The following COL7A1 variants were observed in gnomAD, a reference collection of about 807,000 sequenced individuals.
COL7A1 encodes the protein collagen alpha-1(VII) chain.
COL7A1 carries 296 observed loss-of-function variants against 456.2 expected under a neutral mutation model. That is an observed-to-expected ratio of 0.65 (90% confidence interval 0.59 to 0.71). COL7A1 has a LOEUF of 0.71. Among genes scored for constraint, COL7A1 ranks in the 30% least tolerant of loss-of-function variants. The pLI, the probability that COL7A1 is intolerant of heterozygous loss-of-function variation, is 0.00. For synonymous variants in COL7A1, 1,464 were observed against 1,525.9 expected (o/e 0.96, Z 0.95); for missense variants, 3,441 against 4,017.2 (o/e 0.86, Z 3.88).
rs2045313183 is a variant in COL7A1 at position 48,586,986 on chromosome 3, G to A, written c.3262C>T (p.Pro1088Ser). ...RLVLALGPLG[P>S]QAVQVGLLSY... ...CAGGGCCAAACCTGAACTGCCTGTG[G>A]CCCAAGAGGCCCAAGTGCCAACACC... Residue 1088 changes from proline (P) to serine (S), a missense_variant, in exon 25 of 119, where the codon CCA becomes TCA. Physicochemically the swap from Pro to Ser is moderately conservative, Grantham distance 74 (BLOSUM62 -1). This residue lies in a region of COL7A1 where 444 missense variants were observed against 427.6 expected (regional missense o/e 1.04). Transcript: ENST00000681320. The surrounding 1 kb of genome is among the most constrained non-coding windows in gnomAD (Gnocchi z 5.1). 2 of 1,595,778 alleles carry A rather than the reference G, an allele frequency of 1.3e-6. No homozygotes were observed. The highest frequency in any genetic ancestry group is 1.7e-6 in the Non-Finnish European group (2 of 1,171,450).
chr3:48,587,853 T>A lies in COL7A1; in HGVS notation c.2797A>T (p.Arg933Trp). ...GLEPATQYRV[R>W]LSVLGPAGEG... ...CCAGCTGGCCCTAGGACACTCAGCC[T>A]CACGCGGTACTGTGTCGCTGGCTCC... Residue 933 changes from arginine to tryptophan, a missense_variant, in exon 22 of 119, where the codon AGG (arginine) becomes TGG (tryptophan). Arg to Trp is a moderately radical substitution (Grantham distance 101, BLOSUM62 -3). Coordinates refer to ENST00000681320, the MANE Select transcript of COL7A1 (RefSeq NM_000094.4). This position sits in a 1 kb window ranked among gnomAD's most constrained non-coding sequence, Gnocchi z 6.1. 8 of 1,613,276 alleles carry A rather than the reference T, an allele frequency of 5.0e-6. No homozygotes were observed. Among genetic ancestry groups the A allele is most frequent in the Non-Finnish European group, 6.8e-6 (8 of 1,179,890 alleles).
At position 48,569,443 on chromosome 3, in the gene COL7A1, C is replaced by T. The variant is rs1389951160; in HGVS notation, c.7618G>A (p.Glu2540Lys). 1.2e-6 allele frequency: 2 copies of T among 1,614,192 alleles called. No individual in the cohort carries two copies. The highest frequency in any genetic ancestry group is 3.3e-5 in the Admixed American group (2 of 60,034). Residue 2540 changes from glutamate to lysine, a missense_variant, in exon 103 of 119, where the codon GAA becomes AAA. By Grantham distance (56) the Glu-to-Lys change is moderately conservative. This residue lies in a region of COL7A1 where 2,084 missense variants were observed against 2,501.3 expected (regional missense o/e 0.83). Transcript: ENST00000681320. This position sits in a 1 kb window ranked among gnomAD's most constrained non-coding sequence, Gnocchi z 4.9. ...GPRGAKGDMG[E>K]RGPRGLDGDK... ...CCATCCAAGCCCCGAGGCCCTCGTT[C>T]ACCCTGGGTTGGTTTGGGTAAGAAG... is the stretch of plus-strand genomic sequence containing the variant.
In COL7A1 at chr3:48,567,712, T is replaced by A. The variant is rs1356408238; in HGVS notation, c.7981A>T (p.Met2661Leu). Residue 2661 changes from methionine to leucine, a missense_variant and splice_region_variant, in exon 108 of 119, where the codon ATG becomes TTG. By Grantham distance (15) the Met-to-Leu change is conservative. Transcript: ENST00000681320. This position sits in a 1 kb window ranked among gnomAD's most constrained non-coding sequence, Gnocchi z 4.3. ...RPGLAGHKGE[M>L]GEPGVPGQSG... ...ATTCTGAGCGTGCCCACACTCACCATCTCTCCTTTGTGTCCTGCCAGCCCG... is the reference window on the plus strand; with the variant it reads ...ATTCTGAGCGTGCCCACACTCACCAACTCTCCTTTGTGTCCTGCCAGCCCG... The A allele has an allele frequency of 2.1e-5, 34 of 1,613,684 alleles. No individual in the cohort carries two copies. The highest frequency in any genetic ancestry group is 2.7e-5 in the Non-Finnish European group (32 of 1,179,958).
rs759579761 is a variant in COL7A1 at position 48,566,659 on chromosome 3, C to T, written c.8304+1G>A. ...ACCCAAGCCTTGGAATCCCTACTCA[C>T]CTGCTCCCCTCTCTCGCCAGGAGCT... On this transcript the variant is annotated splice_donor_variant, in intron 112 of 118. Coordinates refer to ENST00000681320, the MANE Select transcript of COL7A1 (RefSeq NM_000094.4). LOFTEE classifies it high-confidence loss of function. The surrounding 1 kb of genome is among the most constrained non-coding windows in gnomAD (Gnocchi z 5.9). 1 of 1,614,184 alleles carries T rather than the reference C, an allele frequency of 6.2e-7. No individual in the cohort carries two copies. Among genetic ancestry groups the T allele is most frequent in the East Asian group, 2.2e-5 (1 of 44,886 alleles).
chr3:48,583,212 T>G lies in COL7A1; in HGVS notation c.4438-41A>C. 2 of 1,610,290 alleles carry G rather than the reference T, an allele frequency of 1.2e-6. No individual in the cohort carries two copies. The highest frequency in any genetic ancestry group is 1.7e-6 in the Non-Finnish European group (2 of 1,178,368). ...GAGAGAAAGACAGAGAGAGAGAGGG[T>G]TGGTGGCGGGGCTTGAACGTCAAAC... is the stretch of plus-strand genomic sequence containing the variant. On this transcript the variant is annotated intron_variant, in intron 42 of 118. Transcript: ENST00000681320. The surrounding 1 kb of genome is among the most constrained non-coding windows in gnomAD (Gnocchi z 5.1).
intron 2 of COL7A1, 52 bp downstream of exon 2, chr3:48,595,023 G>A: frequency 7.0e-7 from 1 of 1,419,748 alleles, no homozygotes; most frequent in Non-Finnish European, 9.7e-7. Flanking sequence ...GAGTGGAGCG[G>A]AGGGTGGCAC....
In COL7A1 at chr3:48,567,927, G is replaced by A. The variant is rs759163684; in HGVS notation, c.7876-36C>T. ...AAAGCAGATGAAGAAGTGATTCCCAGACACCTCACTCTGTGACCCCCTTCA... is the reference window on the plus strand; with the variant it reads ...AAAGCAGATGAAGAAGTGATTCCCAAACACCTCACTCTGTGACCCCCTTCA... On this transcript the variant is annotated intron_variant, in intron 106 of 118. Coordinates refer to ENST00000681320, the MANE Select transcript of COL7A1 (RefSeq NM_000094.4). The surrounding 1 kb of genome is among the most constrained non-coding windows in gnomAD (Gnocchi z 4.3). The A allele has an allele frequency of 1.2e-6, 2 of 1,613,378 alleles. No individual in the cohort carries two copies. The highest frequency in any genetic ancestry group is 2.2e-5 in the East Asian group (1 of 44,864).
rs1575493582 is a variant in COL7A1, at chr3:48,592,981, G to A, written c.683-43C>T. The stretch of plus-strand genomic sequence containing the variant: ...GGGGATCAGGCAGGAGGATTGGGGT[G>A]GGCATGTATGATGCAGAGTTGGGGT... On this transcript the variant is annotated intron_variant, in intron 6 of 118. Coordinates refer to ENST00000681320, the MANE Select transcript of COL7A1 (RefSeq NM_000094.4). The surrounding 1 kb of genome is among the most constrained non-coding windows in gnomAD (Gnocchi z 7.6). The A allele has an allele frequency of 6.2e-7, 1 of 1,612,638 alleles. No homozygotes were observed. The highest frequency in any genetic ancestry group is 8.5e-7 in the Non-Finnish European group (1 of 1,179,634).
Position 48,564,549 on chromosome 3 carries a change from G to A in COL7A1, c.8819-127C>T, listed in dbSNP as rs1036008652. The stretch of plus-strand genomic sequence containing the variant: ...AAGTGGGGGCTCTGACCTCAGAGGG[G>A]TCCATACTTAGGTCTTTAAAGGAGG... On this transcript the variant is annotated intron_variant, in intron 118 of 118. Coordinates refer to ENST00000681320, the MANE Select transcript of COL7A1 (RefSeq NM_000094.4). This position sits in a 1 kb window ranked among gnomAD's most constrained non-coding sequence, Gnocchi z 6.0. 3 of 1,213,106 alleles carry A rather than the reference G, an allele frequency of 2.5e-6. No homozygotes were observed. Among genetic ancestry groups the A allele is most frequent in the Non-Finnish European group, 3.6e-6 (3 of 838,312 alleles). 75.1% of individuals were successfully genotyped at this position (1,213,106 alleles called of 1,614,324 possible). A position where few individuals can be genotyped will look rare whatever the true frequency, so the allele number is the denominator to read the frequency against.
Position 48,580,964 on chromosome 3 carries a change from T to C in COL7A1, c.4936-38A>G. The C allele has an allele frequency of 6.2e-7, 1 of 1,613,188 alleles. No individual in the cohort carries two copies. Among genetic ancestry groups the C allele is most frequent in the Non-Finnish European group, 8.5e-7 (1 of 1,179,530 alleles). The stretch of plus-strand genomic sequence containing the variant: ...AGAAAAGTCATACTGCACAGGGCAG[T>C]CAGGATCTAACTCACTCAGGGAGAG... On this transcript the variant is annotated intron_variant, in intron 53 of 118. Transcript: ENST00000681320. The surrounding 1 kb of genome is among the most constrained non-coding windows in gnomAD (Gnocchi z 4.5).
At position 48,591,871 on chromosome 3, in the gene COL7A1, C is replaced by T. The variant is rs1451520232; in HGVS notation, c.1357+27G>A. 4 of 1,614,078 alleles carry T rather than the reference C, an allele frequency of 2.5e-6. No homozygotes were observed. Among genetic ancestry groups the T allele is most frequent in the South Asian group, 2.2e-5 (2 of 91,088 alleles). On this transcript the variant is annotated intron_variant, in intron 11 of 118. Transcript: ENST00000681320. The surrounding 1 kb of genome is among the most constrained non-coding windows in gnomAD (Gnocchi z 7.0). ...AGCAGAGGCCATGCCCTGACCCTTG[C>T]CTGTCCATCCCTTCCCCCGCACTGA...
chr3:48,589,599 C>T lies in COL7A1; in HGVS notation c.2170G>A (p.Gly724Ser), dbSNP rs371102080. The change falls in exon 17 of 119, where the codon GGC becomes AGC. Residue 724 changes from glycine (G) to serine (S), a missense_variant and splice_region_variant. Physicochemically the swap from Gly to Ser is moderately conservative, Grantham distance 56. Around this residue, in one of 3 missense-constraint regions of COL7A1, gnomAD observed 913 missense variants for 1,088.2 expected, o/e 0.84. Transcript: ENST00000681320. ...GYRVSWHSAH[G>S]PEKSQLVSGE... ...CCCCCTCCCAAACCCCAGTCCCCAC[C>T]GTGGGCTGAGTGCCAGGAAACCCTG... is the stretch of plus-strand genomic sequence containing the variant. 1.2e-6 allele frequency: 2 copies of T among 1,613,680 alleles called. No homozygotes were observed. The highest frequency in any genetic ancestry group is 1.7e-6 in the Non-Finnish European group (2 of 1,179,974).
rs2043507812 is a variant in COL7A1 at position 48,564,238 on chromosome 3, C to G, written c.*168G>C. ...GGCAGGAGCCACAATGGGGGTTTGTCCACAGGGGGGAAGGCTAGACCCACG... is the reference window on the plus strand; with the variant it reads ...GGCAGGAGCCACAATGGGGGTTTGTGCACAGGGGGGAAGGCTAGACCCACG... On this transcript the variant is annotated 3_prime_UTR_variant, in exon 119 of 119. Transcript: ENST00000681320. The surrounding 1 kb of genome is among the most constrained non-coding windows in gnomAD (Gnocchi z 6.0). 1 of 818,434 alleles carries G rather than the reference C, an allele frequency of 1.2e-6. No individual in the cohort carries two copies. Among genetic ancestry groups the G allele is most frequent in the Admixed American group, 2.0e-5 (1 of 49,380 alleles). 50.7% of individuals were successfully genotyped at this position (818,434 alleles called of 1,614,324 possible). A position where few individuals can be genotyped will look rare whatever the true frequency, so the allele number is the denominator to read the frequency against.
At position 48,575,187 on chromosome 3, in the gene COL7A1, C is replaced by T. The variant is rs768391947; in HGVS notation, c.6216+20G>A. The T allele has an allele frequency of 6.2e-6, 10 of 1,614,044 alleles. No homozygotes were observed. Among genetic ancestry groups the T allele is most frequent in the Non-Finnish European group, 7.6e-6 (9 of 1,179,990 alleles). On this transcript the variant is annotated intron_variant, in intron 75 of 118. Transcript: ENST00000681320. The surrounding 1 kb of genome is among the most constrained non-coding windows in gnomAD (Gnocchi z 6.3). ...CACAGCCTCCAGACAGCCTGCCCCA[C>T]GAAGCCCATCGCAGCCCACCTGTTC...
Position 48,583,604 on chromosome 3 carries a change from C to A in COL7A1, c.4353G>T (p.Glu1451Asp), listed in dbSNP as rs2107727375. The change falls in exon 41 of 119, where the codon GAG (glutamate) becomes GAT (aspartate). Residue 1451 changes from glutamate (E) to aspartate (D), a missense_variant. Physicochemically the swap from Glu to Asp is conservative, Grantham distance 45. Around this residue, in one of 3 missense-constraint regions of COL7A1, gnomAD observed 2,084 missense variants for 2,501.3 expected, o/e 0.83. Coordinates refer to ENST00000681320, the MANE Select transcript of COL7A1 (RefSeq NM_000094.4). The surrounding 1 kb of genome is among the most constrained non-coding windows in gnomAD (Gnocchi z 5.1). ...PGKKGEKGDSEDGAPGLPGQP... is the reference protein window; with the variant it reads ...PGKKGEKGDSDDGAPGLPGQP... ...GTCCTGGGAGGCCTGGAGCTCCATC[C>A]TCAGAGTCACCCTGAAGGAGAAACA... 18 of 1,614,062 alleles carry A rather than the reference C, an allele frequency of 1.1e-5. No individual in the cohort carries two copies. The highest frequency in any genetic ancestry group is 1.4e-5 in the Non-Finnish European group (16 of 1,180,014).
chr3:48,580,767 A>G lies in COL7A1; in HGVS notation c.4980+115T>C. On this transcript the variant is annotated intron_variant, in intron 54 of 118. Transcript: ENST00000681320. The surrounding 1 kb of genome is among the most constrained non-coding windows in gnomAD (Gnocchi z 4.5). ...TCCAAAATCCACATCAGAGGTTCCC[A>G]TCACCCCATGCCTCCCTGCAGGGAC... 6.4e-7 allele frequency: 1 copy of G among 1,568,722 alleles called. No individual in the cohort carries two copies. The highest frequency in any genetic ancestry group is 1.7e-5 in the Admixed American group (1 of 59,390).
chr3:48,589,426 C>T lies in COL7A1; in HGVS notation c.2215G>A (p.Glu739Lys). 1 of 1,613,824 alleles carries T rather than the reference C, an allele frequency of 6.2e-7. No homozygotes were observed. ...QLVSGEATVA[E>K]LDGLEPDTEY... ...GTATCTGGCTCCAGTCCATCCAGCTCAGCCACCGTGGCCTCCCCAGAAACC... is the reference window on the plus strand; with the variant it reads ...GTATCTGGCTCCAGTCCATCCAGCTTAGCCACCGTGGCCTCCCCAGAAACC... Residue 739 changes from glutamate (E) to lysine (K), a missense_variant, in exon 18 of 119, where the codon GAG becomes AAG. This residue lies in a region of COL7A1 where 913 missense variants were observed against 1,088.2 expected (regional missense o/e 0.84). Transcript: ENST00000681320.
chr3:48,574,496 C>A lies in COL7A1; in HGVS notation c.6448G>T (p.Gly2150Cys). 1 of 1,614,106 alleles carries A rather than the reference C, an allele frequency of 6.2e-7. No individual in the cohort carries two copies. ...GTTGGGCAAGGACTTACCGGGTTGC[C>A]GTCCTGACCCCTCGGTCCAGGCTCT... is the stretch of plus-strand genomic sequence containing the variant. Reference protein sequence around the residue: ...RGEPGPRGQDGNPGLPGERGM... With the variant: ...RGEPGPRGQDCNPGLPGERGM... Residue 2150 changes from glycine (G) to cysteine (C), a missense_variant, in exon 79 of 119, where the codon GGC becomes TGC. Gly to Cys is a radical substitution (Grantham distance 159, BLOSUM62 -3). Transcript: ENST00000681320. The surrounding 1 kb of genome is among the most constrained non-coding windows in gnomAD (Gnocchi z 5.0).
rs2045580938 is a variant in COL7A1 at position 48,590,068 on chromosome 3, A to C, written c.2050+145T>G. 1.1e-6 allele frequency: 1 copy of C among 880,720 alleles called. No individual in the cohort carries two copies. Among genetic ancestry groups the C allele is most frequent in the Admixed American group, 2.4e-5 (1 of 40,824 alleles). The allele number at this position is 880,720 out of a possible 1,614,324, so 54.6% of individuals were successfully genotyped here. On this transcript the variant is annotated intron_variant, in intron 16 of 118. Transcript: ENST00000681320. This position sits in a 1 kb window ranked among gnomAD's most constrained non-coding sequence, Gnocchi z 4.6. The stretch of plus-strand genomic sequence containing the variant: ...GGGGAGACAGCTGAAACTGAAGAGG[A>C]AGCAGCGTCTCTGAGGGAGGAGGGA...
Sources: gnomAD v4.1 joint callset for allele counts on GRCh38, gnomAD v4.1.1 for gene constraint, gnomAD v4.1.1 regional missense constraint, Gnocchi (gnomAD v3.1) non-coding constraint, MANE v1.5 for transcripts, NCBI Gene and HGNC (gene_info 2026-07-23, HGNC 2026-07-21) for gene names.